Variants in TRMU observed in about 807,000 individuals in gnomAD.
TRMU encodes mitochondrial tRNA-specific 2-thiouridylase 1.
TRMU carries 49 observed loss-of-function variants against 46.9 expected under a neutral mutation model. The observed-to-expected ratio is 1.05, with a 90% confidence interval of 0.83 to 1.33. The LOEUF (loss-of-function observed/expected upper bound fraction) is 1.33. Ranked by LOEUF, TRMU falls within the 40% of genes most tolerant of loss-of-function variation. The pLI is 0.00. For missense variants in TRMU, 572 were observed against 532.4 expected (o/e 1.07, Z -0.73); for synonymous variants, 241 against 200.9 (o/e 1.20, Z -1.69).
intron 5 of TRMU, 50 bp from the exon 6 acceptor site, chr22:46,352,071 G>T: frequency 6.2e-7 from 1 of 1,603,240 alleles, no homozygotes; most frequent in South Asian, 1.1e-5. Context: ...GGTACAGCTT[G>T]GGCCACCGCC....
At position 46,355,460 on chromosome 22, in the gene TRMU, A is replaced by C. The variant is rs1601995807; in HGVS notation, c.890A>C (p.His297Pro). The change falls in exon 9 of 11, where the codon CAC becomes CCC. Residue 297 changes from histidine to proline, a missense_variant. His to Pro is a moderately conservative substitution (Grantham distance 77). Coordinates refer to ENST00000645190, the MANE Select transcript of TRMU (RefSeq NM_018006.5). ...GDVFVAPRTD[H>P]PALYRDLLRT... The stretch of plus-strand genomic sequence containing the variant: ...ATTCTGCAGGCCCCCCGGACAGACC[A>C]CCCAGCCCTGTACAGGGACCTGCTG... 1 of 1,612,756 alleles carries C rather than the reference A, an allele frequency of 6.2e-7. No homozygotes were observed. The highest frequency in any genetic ancestry group is 8.5e-7 in the Non-Finnish European group (1 of 1,179,748).
intron 3 of TRMU, among the ~76,000 whole-genome samples, chr22:46,345,218 C>T (rs1569069791): frequency 6.6e-6 from 1 of 152,150 alleles, no homozygotes; most frequent in East Asian, 1.9e-4. Flanking sequence ...TTACAGGTGC[C>T]CACCAACATG....
Position 46,346,558 on chromosome 22 carries a change from C to G in TRMU, c.478+14C>G, listed in dbSNP as rs200152331. ...AAGTTAGAAATGGTAAGTTCATGTG[C>G]CCAGGTCAGAGCCAAATTCTTGTGA... On this transcript the variant is annotated intron_variant, in intron 4 of 10. Transcript: ENST00000645190. The G allele has an allele frequency of 6.2e-7, 1 of 1,607,200 alleles. No homozygotes were observed. Among genetic ancestry groups the G allele is most frequent in the East Asian group, 2.2e-5 (1 of 44,610 alleles).
In TRMU at chr22:46,349,312, G is replaced by T. The variant is rs967366310; in HGVS notation, c.479-979G>T. On this transcript the variant is annotated intron_variant, in intron 4 of 10. Transcript: ENST00000645190. The surrounding 1 kb of genome is among the most constrained non-coding windows in gnomAD (Gnocchi z 4.6). ...ACCGCCTCCACCTGCATCACTTTGG[G>T]CGAGTCATATGTGATGAACTGGGCC... Among the ~76,000 whole-genome samples, 1 of 152,200 alleles carries T rather than the reference G, an allele frequency of 6.6e-6. No homozygotes were observed. The highest frequency in any genetic ancestry group is 1.5e-5 in the Non-Finnish European group (1 of 68,046).
chr22:46,354,149 C>G (rs149131849), intron 8 of TRMU: 42 of 382,112 alleles, frequency 1.1e-4, no homozygotes, highest in African/African-American at 8.8e-4. Flanking sequence ...GACAGCGACG[C>G]CCAGAGCTTG....
chr22:46,343,701 T>C (rs529259233), intron 3 of TRMU, among the ~76,000 whole-genome samples: 3 of 152,312 alleles, frequency 2.0e-5, no homozygotes, highest in Admixed American at 6.5e-5. Flanking sequence ...AACCTCCTGA[T>C]ACTGAATTGC....
Position 46,353,764 on chromosome 22 carries a change from T to C in TRMU, c.773-3T>C, listed in dbSNP as rs1410596387. 1.9e-6 allele frequency: 3 copies of C among 1,613,366 alleles called. No individual in the cohort carries two copies. Among genetic ancestry groups the C allele is most frequent in the African/African-American group, 2.7e-5 (2 of 74,900 alleles). On this transcript the variant is annotated splice_polypyrimidine_tract_variant and splice_region_variant and intron_variant, in intron 7 of 10. Coordinates refer to ENST00000645190, the MANE Select transcript of TRMU (RefSeq NM_018006.5). ...GCCTCATGGAGAAACTGTCTTTCTG[T>C]AGGTTGGTTCCTGTATACCTTGGGC...
chr22:46,343,128 C>G (rs2078164754), intron 2 of TRMU, 134 bp from the exon 3 acceptor site: 1 of 692,144 alleles, frequency 1.4e-6, no homozygotes, highest in East Asian at 2.7e-5. Context: ...GACTGACGTT[C>G]TCCTGTTTTG....
At chr22:46,337,075 C>G (rs1031835356) in intron 1 of TRMU, among the ~76,000 whole-genome samples, 2 of 152,100 alleles carry the variant, frequency 1.3e-5, no homozygotes, top group Non-Finnish European at 2.9e-5. Flanking sequence ...GGTGGTCTTT[C>G]GCGTGTGGTG....
intron 7 of TRMU, 86 bp downstream of exon 7, chr22:46,352,416 C>A: frequency 6.7e-7 from 1 of 1,501,494 alleles, no homozygotes; most frequent in South Asian, 1.1e-5. Flanking sequence ...GAGTTCCTGT[C>A]GTCCCTTCCA....
chr22:46,356,094 G>T (rs2078599453), intron 10 of TRMU, 22 bp downstream of exon 10: 1 of 1,613,402 alleles, frequency 6.2e-7, no homozygotes. Context: ...GTGGGGGTGA[G>T]CCCGGGGAGG....
At position 46,349,720 on chromosome 22, in the gene TRMU, C is replaced by T. The variant is rs2078355731; in HGVS notation, c.479-571C>T. Among the ~76,000 whole-genome samples the T allele has an allele frequency of 6.6e-6, 1 of 152,182 alleles. No individual in the cohort carries two copies. Among genetic ancestry groups the T allele is most frequent in the African/African-American group, 2.4e-5 (1 of 41,442 alleles). On this transcript the variant is annotated intron_variant, in intron 4 of 10. Transcript: ENST00000645190. The surrounding 1 kb of genome is among the most constrained non-coding windows in gnomAD (Gnocchi z 4.6). Reference sequence around the variant, plus strand: ...AATGTCGGAGGAACTGCAGGGTCACCTAACAGATGTCAGCTGAGACTCTCA... The same window carrying T: ...AATGTCGGAGGAACTGCAGGGTCACTTAACAGATGTCAGCTGAGACTCTCA...
intron 4 of TRMU, among the ~76,000 whole-genome samples, chr22:46,346,750 C>G (rs1312082778): frequency 6.6e-6 from 1 of 152,216 alleles, no homozygotes; most frequent in African/African-American, 2.4e-5. Context: ...AACAGTGTCC[C>G]TGCCGGCCAT....
chr22:46,357,061 T>C lies in TRMU; in HGVS notation c.*55T>C. On this transcript the variant is annotated 3_prime_UTR_variant, in exon 11 of 11. Transcript: ENST00000645190. ...AGAGCAGGACCCATGGCTGGGCGGCTGGTGAGCAGTCCAGGTGCCCAAGGG... is the reference window on the plus strand; with the variant it reads ...AGAGCAGGACCCATGGCTGGGCGGCCGGTGAGCAGTCCAGGTGCCCAAGGG... 6.2e-7 allele frequency: 1 copy of C among 1,608,580 alleles called. No individual in the cohort carries two copies. The highest frequency in any genetic ancestry group is 1.1e-5 in the South Asian group (1 of 90,652).
Position 46,338,478 on chromosome 22 carries a change from C to T in TRMU, c.248+534C>T, listed in dbSNP as rs1454099161. Among the ~76,000 whole-genome samples, 3 of 152,192 alleles carry T rather than the reference C, an allele frequency of 2.0e-5. No homozygotes were observed. The highest frequency in any genetic ancestry group is 1.9e-4 in the East Asian group (1 of 5,192). ...TGTGACCTGGCTCTGTAGGAGTTTG[C>T]GGTCTAGTTGGGAGGACATTATCTT... On this transcript the variant is annotated intron_variant, in intron 2 of 10. Transcript: ENST00000645190. The surrounding 1 kb of genome is among the most constrained non-coding windows in gnomAD (Gnocchi z 4.5).
rs1246903005 is a variant in TRMU at position 46,339,081 on chromosome 22, A to G, written c.248+1137A>G. On this transcript the variant is annotated intron_variant, in intron 2 of 10. Transcript: ENST00000645190. The surrounding 1 kb of genome is among the most constrained non-coding windows in gnomAD (Gnocchi z 4.8). ...CACTGATGCCTCACAGGGTTATGAA[A>G]GAATTGAGATTAGGTTCTAGTATGT... Among the ~76,000 whole-genome samples the G allele has an allele frequency of 6.7e-6, 1 of 149,800 alleles. No homozygotes were observed. Among genetic ancestry groups the G allele is most frequent in the Non-Finnish European group, 1.5e-5 (1 of 68,016 alleles).
chr22:46,340,185 T>G (rs1178156835), intron 2 of TRMU, among the ~76,000 whole-genome samples: 1 of 152,194 alleles, frequency 6.6e-6, no homozygotes, highest in East Asian at 1.9e-4. Flanking sequence ...AATAAGCACT[T>G]CAGCTGTGCT....
chr22:46,352,147 GAGGAATTT>G lies in TRMU; in HGVS notation c.679_686del (p.Arg227Ter), dbSNP rs1484132200. On this transcript the variant is annotated frameshift_variant, in exon 6 of 11. Coordinates refer to ENST00000645190, the MANE Select transcript of TRMU (RefSeq NM_018006.5). LOFTEE classifies it high-confidence loss of function. Reference sequence around the variant, plus strand: ...GCATGGGCATGTGTTTCATCGGGAAGAGGAATTTTGAACATTTCCTTCTTCAGGTGCGT... The same window carrying G: ...GCATGGGCATGTGTTTCATCGGGAAGTGAACATTTCCTTCTTCAGGTGCGT... 6.2e-7 allele frequency: 1 copy of G among 1,614,006 alleles called. No individual in the cohort carries two copies. The highest frequency in any genetic ancestry group is 1.7e-5 in the Admixed American group (1 of 60,030).
chr22:46,338,489 G>A lies in TRMU; in HGVS notation c.248+545G>A, dbSNP rs903486995. The stretch of plus-strand genomic sequence containing the variant: ...TCTGTAGGAGTTTGCGGTCTAGTTG[G>A]GAGGACATTATCTTCACAAGAGGTG... On this transcript the variant is annotated intron_variant, in intron 2 of 10. Transcript: ENST00000645190. This position sits in a 1 kb window ranked among gnomAD's most constrained non-coding sequence, Gnocchi z 4.5. 5.3e-5 allele frequency among the ~76,000 whole-genome samples: 8 copies of A among 152,214 alleles called. No individual in the cohort carries two copies. Among genetic ancestry groups the A allele is most frequent in the African/African-American group, 1.9e-4 (8 of 41,458 alleles).
Sources: gnomAD v4.1 joint callset for allele counts (sites outside exome capture counted in the v4.1 genomes callset) on GRCh38, gnomAD v4.1.1 for gene constraint, Gnocchi (gnomAD v3.1) non-coding constraint, MANE v1.5 for transcripts, NCBI Gene and HGNC (gene_info 2026-07-23, HGNC 2026-07-21) for gene names.